The following UBR4 variants were observed in gnomAD, a reference collection of about 807,000 sequenced individuals.
UBR4 encodes the protein E3 ubiquitin-protein ligase UBR4.
UBR4 carries 124 observed loss-of-function variants against 575.6 expected under a neutral mutation model. The ratio of observed to expected loss-of-function variants is 0.22; its 90% confidence interval spans 0.19 to 0.25. The LOEUF is 0.25. Ranked by LOEUF, UBR4 falls within the 10% of genes least tolerant of loss-of-function variation. The probability of loss-of-function intolerance (pLI) is 1.00; values close to 1 mark genes in which losing one functional copy is unlikely to be tolerated. For missense variants in UBR4, 4,818 were observed against 6,478.8 expected (o/e 0.74, Z 8.80); for synonymous variants, 2,455 against 2,473.7 (o/e 0.99, Z 0.22).
Position 19,112,515 on chromosome 1 carries a change from G to A in UBR4, c.11801+9C>T, listed in dbSNP as rs2080016214. The stretch of plus-strand genomic sequence containing the variant: ...CCACTAGGCCCATAACCATGGTGTA[G>A]GTACTGACCGAGTTAGGAGGCACAT... On this transcript the variant is annotated intron_variant, in intron 78 of 105. Coordinates refer to ENST00000375254, the MANE Select transcript of UBR4 (RefSeq NM_020765.3). The A allele has an allele frequency of 6.2e-7, 1 of 1,601,138 alleles. No individual in the cohort carries two copies. The highest frequency in any genetic ancestry group is 1.1e-5 in the South Asian group (1 of 88,214).
intron 102 of UBR4, among the ~76,000 whole-genome samples, chr1:19,084,269 G>A (rs549924990): frequency 1.8e-4 from 28 of 152,360 alleles, no homozygotes; most frequent in African/African-American, 6.7e-4. Context: ...GCGGTCTTGG[G>A]CTGCCCATGG....
intron 100 of UBR4, 82 bp from the exon 101 acceptor site, chr1:19,086,352 G>T (rs1292219898): frequency 6.4e-6 from 5 of 783,374 alleles, no homozygotes; most frequent in East Asian, 6.1e-5. Context: ...GCGGGGGTGG[G>T]GGTGGGGGCA....
chr1:19,125,883 T>A (rs1257378032), intron 64 of UBR4, among the ~76,000 whole-genome samples: 1 of 152,180 alleles, frequency 6.6e-6, no homozygotes, highest in African/African-American at 2.4e-5. Context: ...TTGTGCTAAG[T>A]CCTTTACAAA....
chr1:19,195,857 A>G (rs577267511), intron 8 of UBR4, among the ~76,000 whole-genome samples: 1 of 152,204 alleles, frequency 6.6e-6, no homozygotes, highest in East Asian at 1.9e-4. Context: ...AATGGTCTCT[A>G]CTATCTACAG....
chr1:19,149,635 T>A, intron 49 of UBR4: 1 of 835,192 alleles, frequency 1.2e-6, no homozygotes, highest in Non-Finnish European at 1.7e-6. Flanking sequence ...AGCCATGCAA[T>A]GACCAGAACA....
rs950182996 is a variant in UBR4 at position 19,165,861 on chromosome 1, G to A, written c.4110-104C>T. 48 of 974,132 alleles carry A rather than the reference G, an allele frequency of 4.9e-5. No homozygotes were observed. The African/African-American group carries it at 7.4e-4, about 15-fold the overall frequency. 60.3% of individuals were successfully genotyped at this position (974,132 alleles called of 1,614,324 possible). On this transcript the variant is annotated intron_variant, in intron 29 of 105. Coordinates refer to ENST00000375254, the MANE Select transcript of UBR4 (RefSeq NM_020765.3). ...CAAAGTTTGTCTGTTTGACCTTGAGGGCAATGTCTAATTTTGTTTTGGCAA... is the reference window on the plus strand; with the variant it reads ...CAAAGTTTGTCTGTTTGACCTTGAGAGCAATGTCTAATTTTGTTTTGGCAA...
At chr1:19,172,754 A>G (rs41306578) in intron 25 of UBR4, 110 bp downstream of exon 25, 118 of 1,121,512 alleles carry the variant, frequency 1.1e-4, no homozygotes, top group Non-Finnish European at 1.4e-4. Context: ...ATACGTGGGG[A>G]AAAAAACCCC....
chr1:19,196,481 T>G (rs1161037501), intron 8 of UBR4, among the ~76,000 whole-genome samples: 1 of 152,174 alleles, frequency 6.6e-6, no homozygotes, highest in Non-Finnish European at 1.5e-5. Flanking sequence ...ATGATATGTC[T>G]CGGAACTTAA....
At position 19,179,160 on chromosome 1, in the gene UBR4, T is replaced by C; in HGVS notation, c.2245A>G (p.Ile749Val). 6.2e-7 allele frequency: 1 copy of C among 1,612,228 alleles called. No homozygotes were observed. The highest frequency in any genetic ancestry group is 8.5e-7 in the Non-Finnish European group (1 of 1,179,552). ...AGCACAGAGAGGCTTTGAGGGTGAA[T>C]GTACAAGGGCCAAGGGCCCTCAGAA... ...PFSEGPWPLY[I>V]HPQSLSVLSR... Residue 749 changes from isoleucine (I) to valine (V), a missense_variant, in exon 18 of 106, where the codon ATT becomes GTT. Coordinates refer to ENST00000375254, the MANE Select transcript of UBR4 (RefSeq NM_020765.3).
rs1188589063 is a variant in UBR4 at position 19,164,287 on chromosome 1, G to A, written c.4666C>T (p.Leu1556Phe). 1.2e-6 allele frequency: 2 copies of A among 1,614,016 alleles called. No individual in the cohort carries two copies. Among genetic ancestry groups the A allele is most frequent in the Non-Finnish European group, 1.7e-6 (2 of 1,179,988 alleles). ...AGCCAATCCACAGCAGCATTATGAA[G>A]CTGAAGGTGACCAGCACCTTGACCT... ...SAGQGAGHLQ[L>F]HNAAVDWLSR... The change falls in exon 33 of 106, where the codon CTT becomes TTT. Residue 1556 changes from leucine to phenylalanine, a missense_variant. This residue lies in a region of UBR4 where 1,172 missense variants were observed against 1,259.7 expected (regional missense o/e 0.93). Transcript: ENST00000375254.
rs577732814 is a variant in UBR4, at chr1:19,193,613, A to C, written c.1019-56T>G. ...TGGAGTGCATCCAAGAATCCACCAA[A>C]GCTGAAACACAAAAGCACACCCCAC... On this transcript the variant is annotated intron_variant, in intron 8 of 105. Coordinates refer to ENST00000375254, the MANE Select transcript of UBR4 (RefSeq NM_020765.3). 15 of 1,546,480 alleles carry C rather than the reference A, an allele frequency of 9.7e-6. No homozygotes were observed. The East Asian group carries it at 3.4e-4, about 35-fold the overall frequency.
intron 60 of UBR4, among the ~76,000 whole-genome samples, chr1:19,137,496 T>C (rs984465158): frequency 6.6e-6 from 1 of 152,214 alleles, no homozygotes; most frequent in African/African-American, 2.4e-5. Flanking sequence ...TAGGATTTTA[T>C]AGACCACTTT....
intron 26 of UBR4, 42 bp from the exon 27 acceptor site, chr1:19,169,574 A>T: frequency 1.3e-6 from 2 of 1,568,786 alleles, no homozygotes; most frequent in Non-Finnish European, 1.7e-6. Context: ...ACAAGAAAGA[A>T]GGAACGACAC....
intron 48 of UBR4, chr1:19,151,339 T>A (rs747369815): frequency 4.3e-6 from 2 of 464,780 alleles, no homozygotes. Flanking sequence ...TGCAATTTCA[T>A]GTCAATCTGC....
intron 76 of UBR4, 22 bp from the exon 77 acceptor site, chr1:19,113,849 T>C: frequency 6.2e-7 from 1 of 1,614,154 alleles, no homozygotes; most frequent in East Asian, 2.2e-5. Flanking sequence ...AGAGGTAAGC[T>C]GTCAGGCTCC....
chr1:19,141,025 A>G (rs1196816039), intron 57 of UBR4, 133 bp from the exon 58 acceptor site: 1 of 941,678 alleles, frequency 1.1e-6, no homozygotes, highest in Non-Finnish European at 1.6e-6. Context: ...GAAGTTAGCT[A>G]GCAGCCACTG....
rs770935967 is a variant in UBR4 at position 19,141,782 on chromosome 1, G to A, written c.8180-5C>T. The A allele has an allele frequency of 1.9e-6, 3 of 1,613,664 alleles. No individual in the cohort carries two copies. Among genetic ancestry groups the A allele is most frequent in the Admixed American group, 1.7e-5 (1 of 59,986 alleles). ...CGTCATCATCATCCTTGTCTCCTGAGTCAAAGAAACCCCAGTCACCTGAAG... is the reference window on the plus strand; with the variant it reads ...CGTCATCATCATCCTTGTCTCCTGAATCAAAGAAACCCCAGTCACCTGAAG... On this transcript the variant is annotated splice_region_variant and splice_polypyrimidine_tract_variant and intron_variant, in intron 55 of 105. Coordinates refer to ENST00000375254, the MANE Select transcript of UBR4 (RefSeq NM_020765.3).
In UBR4 at chr1:19,174,878, C is replaced by CT. The variant is rs200448687; in HGVS notation, c.2853+75dup. The CT allele has an allele frequency of 2.0e-3, 2,811 of 1,385,544 alleles. 45 individuals are homozygous for CT. The African/African-American group carries it at 0.036, about 18-fold the overall frequency. 85.8% of individuals were successfully genotyped at this position (1,385,544 alleles called of 1,614,324 possible). A position where few individuals can be genotyped will look rare whatever the true frequency, so the allele number is the denominator to read the frequency against. Reference sequence around the variant, plus strand: ...CTCACTATAAAAAGTCAGTCATTCCCTTTCCCCCCAGTAGGCTGATTCTGG... The same window carrying CT: ...CTCACTATAAAAAGTCAGTCATTCCCTTTTCCCCCCAGTAGGCTGATTCTGG... On this transcript the variant is annotated intron_variant, in intron 21 of 105. Coordinates refer to ENST00000375254, the MANE Select transcript of UBR4 (RefSeq NM_020765.3).
rs765250609 is a variant in UBR4 at position 19,105,085 on chromosome 1, C to T, written c.12608G>A (p.Arg4203Gln). Residue 4203 changes from arginine (R) to glutamine (Q), a missense_variant, in exon 85 of 106, where the codon CGG becomes CAG. This residue lies in a region of UBR4 where 178 missense variants were observed against 175.5 expected (regional missense o/e 1.01). Transcript: ENST00000375254. ...SAHWKVYLAARGVLPYVGNLI... is the reference protein window; with the variant it reads ...SAHWKVYLAAQGVLPYVGNLI... The stretch of plus-strand genomic sequence containing the variant: ...GTTGCCCACATAGGGTAGGACTCCC[C>T]GAGCTGCCAAGTAGACTTTCCAGTG... 37 of 1,613,920 alleles carry T rather than the reference C, an allele frequency of 2.3e-5. No homozygotes were observed. The highest frequency in any genetic ancestry group is 4.0e-5 in the African/African-American group (3 of 74,890).
Sources: allele counts gnomAD v4.1 joint callset (sites outside exome capture counted in the v4.1 genomes callset), GRCh38; gene constraint gnomAD v4.1.1; regional missense constraint gnomAD v4.1.1; transcripts MANE v1.5; gene names NCBI Gene and HGNC (gene_info 2026-07-23, HGNC 2026-07-21).